Variants in GRIN2A observed in about 807,000 individuals in gnomAD.
GRIN2A encodes glutamate receptor ionotropic, NMDA 2A.
A neutral mutation model predicts 113.4 loss-of-function variants in GRIN2A; 22 were observed. The ratio of observed to expected loss-of-function variants is 0.19; its 90% CI spans 0.14 to 0.28. The LOEUF is 0.28. Among genes scored for constraint, GRIN2A ranks in the 10% least tolerant of loss-of-function variants. The pLI is 1.00. For synonymous variants in GRIN2A, 827 were observed against 738.4 expected, an observed-to-expected ratio of 1.12 and a Z score of -1.94; for missense variants, 1,502 against 1,887.0, an observed-to-expected ratio of 0.80 and a Z score of 3.78.
intron 2 of GRIN2A, among the ~76,000 whole-genome samples, chr16:10,133,357 C>T (rs2049108945): frequency 6.6e-6 from 1 of 152,194 alleles, no homozygotes; most frequent in Non-Finnish European, 1.5e-5. Flanking sequence ...CCTGTAATCC[C>T]AGCATTTTGG....
In GRIN2A at chr16:9,762,078, C is replaced by T. The variant is rs146584567; in HGVS notation, c.*1071G>A. 2.3e-3 allele frequency: 463 copies of T among 205,290 alleles called. 3 individuals carry two copies. The highest frequency in any genetic ancestry group is 9.9e-3 in the African/African-American group (434 of 43,878). 12.7% of individuals were successfully genotyped at this position (205,290 alleles called of 1,614,324 possible). ...CCTTCGGCAGACAGATGGCATTGTACTTCTTACAGATCACAGTACACATAC... is the reference window on the plus strand; with the variant it reads ...CCTTCGGCAGACAGATGGCATTGTATTTCTTACAGATCACAGTACACATAC... On this transcript the variant is annotated 3_prime_UTR_variant, in exon 13 of 13. Coordinates refer to ENST00000330684, the MANE Select transcript of GRIN2A (RefSeq NM_001134407.3).
chr16:10,132,521 A>T (rs2049087472), intron 2 of GRIN2A, among the ~76,000 whole-genome samples: 1 of 152,138 alleles, frequency 6.6e-6, no homozygotes, highest in South Asian at 2.1e-4. Flanking sequence ...CTATGTCGTG[A>T]TGGCTTTCTG....
At chr16:10,001,479 CCTTCCAACT>C (rs1402361149) in intron 2 of GRIN2A, among the ~76,000 whole-genome samples, 8 of 152,190 alleles carry the variant, frequency 5.3e-5, no homozygotes, top group African/African-American at 1.9e-4. Context: ...AGATTTTGCT[CCTTCCAACT>C]CTCTGCCCTA....
At chr16:9,960,797 G>A (rs1431703363) in intron 2 of GRIN2A, among the ~76,000 whole-genome samples, 1 of 152,016 alleles carries the variant, frequency 6.6e-6, no homozygotes, top group Non-Finnish European at 1.5e-5. Context: ...GATAATTTTT[G>A]TATTTTTGGC....
chr16:10,006,148 C>T (rs754731805), intron 2 of GRIN2A, among the ~76,000 whole-genome samples: 1 of 152,202 alleles, frequency 6.6e-6, no homozygotes, highest in Non-Finnish European at 1.5e-5. Context: ...TCCCAGGAAC[C>T]TGGACACCAT....
chr16:9,825,350 G>A (rs558283480), intron 9 of GRIN2A, among the ~76,000 whole-genome samples: 3 of 152,144 alleles, frequency 2.0e-5, no homozygotes, highest in Non-Finnish European at 2.9e-5. Flanking sequence ...TGTTACCCAC[G>A]ACATTTCAGC....
At chr16:9,800,819 C>A (rs1903315622) in intron 10 of GRIN2A, among the ~76,000 whole-genome samples, 2 of 152,106 alleles carry the variant, frequency 1.3e-5, no homozygotes, top group African/African-American at 4.8e-5. Context: ...CCTGGAGCAA[C>A]CTAGAGCTTG....
intron 10 of GRIN2A, among the ~76,000 whole-genome samples, chr16:9,801,865 A>T (rs976817286): frequency 2.0e-5 from 3 of 152,212 alleles, no homozygotes; most frequent in African/African-American, 7.2e-5. Flanking sequence ...TGAAGTGATT[A>T]CAACACAGAA....
At chr16:9,786,563 G>A (rs1567296039) in intron 11 of GRIN2A, among the ~76,000 whole-genome samples, 1 of 152,160 alleles carries the variant, frequency 6.6e-6, no homozygotes, top group Non-Finnish European at 1.5e-5. Context: ...ACTGACTCTG[G>A]GGTGTGACCT....
intron 2 of GRIN2A, among the ~76,000 whole-genome samples, chr16:10,090,609 T>A (rs999714037): frequency 2.0e-5 from 3 of 151,700 alleles, no homozygotes; most frequent in Non-Finnish European, 4.4e-5. Flanking sequence ...AAAACCATCA[T>A]GTCCTTGGGT....
intron 2 of GRIN2A, chr16:10,111,735 C>G (rs903254465): frequency 6.5e-7 from 1 of 1,529,368 alleles, no homozygotes; most frequent in African/African-American, 1.4e-5. Flanking sequence ...TCACGGACCC[C>G]GTGGTGCTGA....
intron 9 of GRIN2A, among the ~76,000 whole-genome samples, chr16:9,824,474 G>A (rs1221641019): frequency 1.3e-5 from 2 of 152,132 alleles, no homozygotes; most frequent in Non-Finnish European, 2.9e-5. Flanking sequence ...TTCACTCCCC[G>A]TCTGTTGCAG....
At chr16:9,855,663 G>A (rs1417170212) in intron 4 of GRIN2A, among the ~76,000 whole-genome samples, 1 of 152,138 alleles carries the variant, frequency 6.6e-6, no homozygotes, top group Non-Finnish European at 1.5e-5. Context: ...AGGGTAATGA[G>A]TACATAATTA....
chr16:9,882,582 A>G (rs2043502773), intron 4 of GRIN2A, among the ~76,000 whole-genome samples: 1 of 152,012 alleles, frequency 6.6e-6, no homozygotes, highest in Admixed American at 6.6e-5. Context: ...AGGTTAGGAG[A>G]TTGAGACCAG....
intron 11 of GRIN2A, among the ~76,000 whole-genome samples, chr16:9,769,877 AC>A (rs1901157416): frequency 6.6e-6 from 1 of 152,318 alleles, no homozygotes; most frequent in Non-Finnish European, 1.5e-5. Context: ...ATTCAGGATT[AC>A]TTAGAAAAGT....
intron 4 of GRIN2A, among the ~76,000 whole-genome samples, chr16:9,888,498 C>A (rs564835920): frequency 2.0e-5 from 3 of 151,394 alleles, no homozygotes; most frequent in Non-Finnish European, 4.4e-5. Context: ...ATGTAGATTG[C>A]CTGTTTATCC....
intron 2 of GRIN2A, among the ~76,000 whole-genome samples, chr16:9,980,551 G>C (rs751166311): frequency 6.6e-6 from 1 of 151,978 alleles, no homozygotes; most frequent in African/African-American, 2.4e-5. Context: ...TGTTTACTGC[G>C]GTACTATTCA....
At chr16:9,834,920 GA>G (rs2141327658) in intron 7 of GRIN2A, among the ~76,000 whole-genome samples, 1 of 152,172 alleles carries the variant, frequency 6.6e-6, no homozygotes, top group Admixed American at 6.5e-5. Flanking sequence ...AAGCTAGGAA[GA>G]AAAAAGACTA....
chr16:10,139,055 G>A lies in GRIN2A; in HGVS notation c.414+40943C>T, dbSNP rs543296143. On this transcript the variant is annotated intron_variant, in intron 2 of 12. Coordinates refer to ENST00000330684, the MANE Select transcript of GRIN2A (RefSeq NM_001134407.3). The stretch of plus-strand genomic sequence containing the variant: ...TTGGCCCAGTTGCCGAAGACCAGTC[G>A]TGTGTGAAATGCCTCAGAACACCGG... Among the ~76,000 whole-genome samples the A allele has an allele frequency of 2.9e-4, 44 of 152,306 alleles. No homozygotes were observed. The South Asian group carries it at 3.3e-3, about 11-fold the overall frequency.
Sources: gnomAD v4.1 joint callset for allele counts (sites outside exome capture counted in the v4.1 genomes callset) on GRCh38, gnomAD v4.1.1 for gene constraint, MANE v1.5 for transcripts, NCBI Gene and HGNC (gene_info 2026-07-23, HGNC 2026-07-21) for gene names.